The following ZNF541 variants were observed in gnomAD, a reference collection of about 807,000 sequenced individuals.
ZNF541 encodes zinc finger protein 541.
In ZNF541, 23 loss-of-function variants were observed where a neutral mutation model predicts 123.5. The ratio of observed to expected loss-of-function variants is 0.19; its 90% CI spans 0.13 to 0.26. The LOEUF (loss-of-function observed/expected upper bound fraction) is 0.26. Ranked by LOEUF, ZNF541 falls within the 10% of genes least tolerant of loss-of-function variation. ZNF541 has a pLI of 1.00. For missense variants in ZNF541, 1,612 were observed against 1,789.9 expected, an observed-to-expected ratio of 0.90 and a Z score of 1.79; for synonymous variants, 751 against 754.5, an observed-to-expected ratio of 1.00 and a Z score of 0.08.
At chr19:47,540,979 C>T (rs533242908) in intron 5 of ZNF541, 28 bp from the exon 6 acceptor site, 1 of 1,548,190 alleles carries the variant, frequency 6.5e-7, no homozygotes, top group South Asian at 1.2e-5. Context: ...TCTGAACCAA[C>T]ACATCCAAAA....
At chr19:47,534,156 A>T (rs1969708440) in intron 9 of ZNF541, among the ~76,000 whole-genome samples, 2 of 152,200 alleles carry the variant, frequency 1.3e-5, no homozygotes, top group African/African-American at 4.8e-5. Context: ...TAATAAAATA[A>T]CCAAAATGGG....
chr19:47,531,575 G>T, intron 12 of ZNF541, 67 bp downstream of exon 12: 1 of 1,263,176 alleles, frequency 7.9e-7, no homozygotes, highest in Non-Finnish European at 1.1e-6. Context: ...CAAGCAGACA[G>T]CACGTCACAT....
intron 2 of ZNF541, among the ~76,000 whole-genome samples, chr19:47,565,145 G>C (rs1319087324): frequency 2.0e-5 from 3 of 152,060 alleles, no homozygotes; most frequent in Non-Finnish European, 4.4e-5. Context: ...ATGGACTTTG[G>C]GGACTTGGGG....
intron 4 of ZNF541, 37 bp downstream of exon 4, chr19:47,549,208 C>A: frequency 1.3e-6 from 2 of 1,550,730 alleles, no homozygotes; most frequent in Non-Finnish European, 1.7e-6. Context: ...ACCCCCAGCC[C>A]CTGAACAGAC....
intron 2 of ZNF541, among the ~76,000 whole-genome samples, chr19:47,565,170 G>C (rs1207955562): frequency 6.6e-6 from 1 of 151,972 alleles, no homozygotes; most frequent in African/African-American, 2.4e-5. Context: ...AGGGTGGGAG[G>C]GGATGAGGGA....
At position 47,544,371 on chromosome 19, in the gene ZNF541, C is replaced by A. The variant is rs1407912825; in HGVS notation, c.2158G>T (p.Ala720Ser). The A allele has an allele frequency of 3.2e-6, 5 of 1,551,532 alleles. No individual in the cohort carries two copies. The highest frequency in any genetic ancestry group is 4.4e-6 in the Non-Finnish European group (5 of 1,147,016). ...GASLPGKQAP[A>S]ENGAASRITK... is the part of the protein sequence containing the mutation. ...ATCCTTGAAGCCGCGCCATTCTCGG[C>A]TGGGGCCTGCTTCCCTGGCAGCGAG... Residue 720 changes from alanine to serine, a missense_variant, in exon 5 of 17, where the codon GCC (alanine) becomes TCC (serine). This residue lies in a region of ZNF541 where 1,080 missense variants were observed against 1,013.8 expected (regional missense o/e 1.07). Coordinates refer to ENST00000391901, the MANE Select transcript of ZNF541 (RefSeq NM_001277075.3).
At chr19:47,524,364 G>A (rs1969185871) in intron 14 of ZNF541, among the ~76,000 whole-genome samples, 1 of 152,166 alleles carries the variant, frequency 6.6e-6, no homozygotes, top group Admixed American at 6.5e-5. Flanking sequence ...GTTAGAATGA[G>A]CAGGGAAGGA....
intron 2 of ZNF541, among the ~76,000 whole-genome samples, chr19:47,558,598 T>C (rs1287756749): frequency 1.3e-5 from 2 of 151,564 alleles, no homozygotes; most frequent in African/African-American, 2.4e-5. Context: ...AAACAGAATT[T>C]CTTTTTTTTT....
At chr19:47,553,436 G>A (rs1424370546) in intron 3 of ZNF541, among the ~76,000 whole-genome samples, 14 of 134,732 alleles carry the variant, frequency 1.0e-4, no homozygotes, top group Non-Finnish European at 1.5e-4. Flanking sequence ...TTGAGACGGA[G>A]TCTTGCTCTG....
intron 1 of ZNF541, among the ~76,000 whole-genome samples, chr19:47,572,483 A>G (rs977956873): frequency 1.3e-5 from 2 of 152,198 alleles, no homozygotes; most frequent in Non-Finnish European, 2.9e-5. Context: ...GATGAAAAAA[A>G]ACTGGGTTAA....
rs1969047150 is a variant in ZNF541 at position 47,521,838 on chromosome 19, G to T, written c.3711+16C>A. On this transcript the variant is annotated intron_variant, in intron 15 of 16. Coordinates refer to ENST00000391901, the MANE Select transcript of ZNF541 (RefSeq NM_001277075.3). The surrounding 1 kb of genome is among the most constrained non-coding windows in gnomAD (Gnocchi z 4.2). ...GGAGGAGAGAAGAGCTCCCGACACA[G>T]CCCTGGTTCCTCTACCTTTTCCTCT... 1.9e-6 allele frequency: 3 copies of T among 1,550,798 alleles called. No individual in the cohort carries two copies. The highest frequency in any genetic ancestry group is 2.4e-5 in the South Asian group (2 of 84,012).
intron 1 of ZNF541, among the ~76,000 whole-genome samples, chr19:47,572,651 A>G (rs1183534917): frequency 6.6e-6 from 1 of 151,238 alleles, no homozygotes; most frequent in Admixed American, 6.6e-5. Flanking sequence ...GGGGATTCTG[A>G]GCAGAAGGGG....
chr19:47,555,608 A>C lies in ZNF541; in HGVS notation c.249T>G (p.Ser83Arg). The stretch of plus-strand genomic sequence containing the variant: ...ACTCCTCCAGCAGCTTCACAGAATC[A>C]CTGTCCTTCCCGGAGTACAGGGACA... ...DTLSLYSGKD[S>R]DSVKLLEEYA... Residue 83 changes from serine to arginine, a missense_variant, in exon 3 of 17, where the codon AGT becomes AGG. Coordinates refer to ENST00000391901, the MANE Select transcript of ZNF541 (RefSeq NM_001277075.3). 2.6e-6 allele frequency: 4 copies of C among 1,551,500 alleles called. No homozygotes were observed. The highest frequency in any genetic ancestry group is 3.5e-6 in the Non-Finnish European group (4 of 1,146,900).
chr19:47,545,205 G>A lies in ZNF541; in HGVS notation c.1324C>T (p.Arg442Trp), dbSNP rs969261306. 2.0e-6 allele frequency: 3 copies of A among 1,528,602 alleles called. No individual in the cohort carries two copies. The highest frequency in any genetic ancestry group is 2.0e-5 in the Admixed American group (1 of 48,890). The allele number at this position is 1,528,602 out of a possible 1,614,324, so 94.7% of individuals were successfully genotyped here. A position where few individuals can be genotyped will look rare whatever the true frequency, so the allele number is the denominator to read the frequency against. Residue 442 changes from arginine (R) to tryptophan (W), a missense_variant, in exon 5 of 17, where the codon CGG becomes TGG. Arg to Trp is a moderately radical substitution (Grantham distance 101). Coordinates refer to ENST00000391901, the MANE Select transcript of ZNF541 (RefSeq NM_001277075.3). This position sits in a 1 kb window ranked among gnomAD's most constrained non-coding sequence, Gnocchi z 7.5. ...VVHKPSAVPS[R>W]EGSESGPGPS... Reference sequence around the variant, plus strand: ...CCCGGGCCAGACTCGGAGCCCTCCCGCGAGGGCACGGCCGAGGGCTTGTGG... The same window carrying A: ...CCCGGGCCAGACTCGGAGCCCTCCCACGAGGGCACGGCCGAGGGCTTGTGG...
Position 47,544,733 on chromosome 19 carries a change from T to TGCGGCCACGGCCCCTGCA in ZNF541, c.1778_1795dup (p.Leu593_Pro598dup), listed in dbSNP as rs1483132167. On this transcript the variant is annotated inframe_insertion, in exon 5 of 17. Transcript: ENST00000391901. ...AGCAGGAGCCAGTGGTGGGGGCTGC[T>TGCGGCCACGGCCCCTGCA]GCGGCCACGGCCCCTGCAGCGGCCT... 93 of 1,501,190 alleles carry TGCGGCCACGGCCCCTGCA rather than the reference T, an allele frequency of 6.2e-5. No individual in the cohort carries two copies. The Middle Eastern group carries it at 6.9e-4, about 11-fold the overall frequency. The allele number at this position is 1,501,190 out of a possible 1,614,324, so 93.0% of individuals were successfully genotyped here.
rs952522127 is a variant in ZNF541, at chr19:47,544,894, C to T, written c.1635G>A (p.Ser545=). 7 of 1,536,010 alleles carry T rather than the reference C, an allele frequency of 4.6e-6. No homozygotes were observed. Among genetic ancestry groups the T allele is most frequent in the Non-Finnish European group, 6.1e-6 (7 of 1,146,802 alleles). The change falls in exon 5 of 17, where the codon TCG becomes TCA. Residue 545 remains serine, a synonymous_variant. Coordinates refer to ENST00000391901, the MANE Select transcript of ZNF541 (RefSeq NM_001277075.3). ...SPLFRQLFLK[S]QEPLVSHEQM... is the part of the protein sequence containing the mutation. ...GCTCGTGGCTCACAAGAGGTTCCTG[C>T]GACTTGAGGAAGAGCTGGCGGAAGA...
chr19:47,535,551 C>T (rs1969776591), intron 9 of ZNF541, among the ~76,000 whole-genome samples: 1 of 152,068 alleles, frequency 6.6e-6, no homozygotes, highest in Non-Finnish European at 1.5e-5. Flanking sequence ...AGTTTGTAAA[C>T]AGTTAAATAT....
chr19:47,549,913 G>A (rs897936408), intron 3 of ZNF541, among the ~76,000 whole-genome samples: 3 of 152,082 alleles, frequency 2.0e-5, no homozygotes, highest in Non-Finnish European at 4.4e-5. Context: ...TAGCTGCAAG[G>A]GAGTAAACTG....
chr19:47,526,459 G>T (rs2122888129), intron 14 of ZNF541, among the ~76,000 whole-genome samples: 1 of 136,136 alleles, frequency 7.3e-6, no homozygotes, highest in Admixed American at 8.0e-5. Flanking sequence ...TCCAGCCTGG[G>T]CAACAGAGTG....
Sources: gnomAD v4.1 joint callset for allele counts (sites outside exome capture counted in the v4.1 genomes callset) on GRCh38, gnomAD v4.1.1 for gene constraint, gnomAD v4.1.1 regional missense constraint, Gnocchi (gnomAD v3.1) non-coding constraint, MANE v1.5 for transcripts, NCBI Gene and HGNC (gene_info 2026-07-23, HGNC 2026-07-21) for gene names.